Variants in CACNA1A observed in about 807,000 individuals in gnomAD.
CACNA1A encodes calcium voltage-gated channel subunit alpha1 A, also known as voltage-dependent P/Q-type calcium channel subunit alpha-1A.
In CACNA1A, 57 loss-of-function variants were observed where a neutral mutation model predicts 262.4. That is an observed-to-expected ratio of 0.22 (90% CI 0.18 to 0.27). The LOEUF is 0.27. Ranked by LOEUF, CACNA1A falls within the 10% of genes least tolerant of loss-of-function variation. CACNA1A has a pLI of 1.00. For synonymous variants in CACNA1A, 1,431 were observed against 1,419.3 expected, an observed-to-expected ratio of 1.01 and a Z score of -0.18; for missense variants, 2,526 against 3,562.8, an observed-to-expected ratio of 0.71 and a Z score of 7.41.
chr19:13,292,957 T>C (rs772290304), intron 19 of CACNA1A, among the ~76,000 whole-genome samples: 7 of 152,120 alleles, frequency 4.6e-5, no homozygotes, highest in Non-Finnish European at 1.0e-4. Flanking sequence ...GATGTGTCTA[T>C]TAATAATGGA....
chr19:13,316,975 T>G, intron 11 of CACNA1A, 137 bp downstream of exon 11: 1 of 608,142 alleles, frequency 1.6e-6, no homozygotes, highest in South Asian at 2.2e-5. Flanking sequence ...CAGTGACAGT[T>G]ATAGAAATGG....
intron 3 of CACNA1A, among the ~76,000 whole-genome samples, chr19:13,393,925 C>A (rs1314878415): frequency 6.6e-6 from 1 of 151,840 alleles, no homozygotes; most frequent in African/African-American, 2.4e-5. Flanking sequence ...AAGTGATTCT[C>A]CTGCCTCAGC....
intron 6 of CACNA1A, among the ~76,000 whole-genome samples, chr19:13,354,837 C>A (rs1207045778): frequency 6.0e-5 from 9 of 151,008 alleles, no homozygotes; most frequent in Non-Finnish European, 8.8e-5. Context: ...AGAACACACA[C>A]AGACACACGA....
At chr19:13,371,836 A>T in intron 3 of CACNA1A, 57 bp from the exon 4 acceptor site, 2 of 1,265,182 alleles carry the variant, frequency 1.6e-6, no homozygotes, top group Non-Finnish European at 2.3e-6. Context: ...GTCAGACAGC[A>T]GGGCGGGGGT....
intron 19 of CACNA1A, among the ~76,000 whole-genome samples, chr19:13,291,281 G>A (rs2057531503): frequency 6.6e-6 from 1 of 152,072 alleles, no homozygotes; most frequent in Non-Finnish European, 1.5e-5. Flanking sequence ...TTATGTGGGG[G>A]TGATAATAAC....
At chr19:13,443,393 G>T (rs138060415) in intron 3 of CACNA1A, among the ~76,000 whole-genome samples, 3,570 of 152,170 alleles carry the variant, frequency 0.023, 67 homozygotes, top group Middle Eastern at 0.051. Context: ...CCAGGCTGGA[G>T]TGCAGTGGTG....
At chr19:13,311,667 C>T (rs1179831351) in intron 12 of CACNA1A, among the ~76,000 whole-genome samples, 2 of 151,834 alleles carry the variant, frequency 1.3e-5, no homozygotes, top group African/African-American at 4.8e-5. Context: ...GAAACCCCAT[C>T]TCTACTAAAA....
chr19:13,245,323 T>G, intron 30 of CACNA1A, 58 bp from the exon 31 acceptor site: 1 of 1,425,972 alleles, frequency 7.0e-7, no homozygotes, highest in Non-Finnish European at 9.9e-7. Flanking sequence ...CCCGGCCCCC[T>G]AGGCTGGCCG....
At chr19:13,368,338 C>CTTT (rs796514314) in intron 4 of CACNA1A, among the ~76,000 whole-genome samples, 2,757 of 140,656 alleles carry the variant, frequency 0.02, 82 homozygotes, top group East Asian at 0.098. Context: ...CTATCATTGG[C>CTTT]TTTTTTTTTT....
Position 13,506,276 on chromosome 19 carries a change from ACGCCGCCGCCGCCGC to A in CACNA1A, c.-67_-53del, listed in dbSNP as rs16000. 1.5e-6 allele frequency: 2 copies of A among 1,354,642 alleles called. No individual in the cohort carries two copies. Among genetic ancestry groups the A allele is most frequent in the African/African-American group, 1.5e-5 (1 of 64,536 alleles). The allele number at this position is 1,354,642 out of a possible 1,614,324, so 83.9% of individuals were successfully genotyped here. A position where few individuals can be genotyped will look rare whatever the true frequency, so the allele number is the denominator to read the frequency against. On this transcript the variant is annotated 5_prime_UTR_variant, in exon 1 of 47. Transcript: ENST00000360228. ...TACGCTGCGGCGAACGATGCGGAAG[ACGCCGCCGCCGCCGC>A]CGCCGCCGCTGATGCTGAGGCTGCC...
chr19:13,427,286 T>C (rs1251323059), intron 3 of CACNA1A, among the ~76,000 whole-genome samples: 1 of 151,828 alleles, frequency 6.6e-6, no homozygotes, highest in Non-Finnish European at 1.5e-5. Flanking sequence ...ACCCCGTCTC[T>C]ACTAAAAAAA....
intron 3 of CACNA1A, among the ~76,000 whole-genome samples, chr19:13,387,329 T>A (rs1325047394): frequency 1.3e-5 from 2 of 152,228 alleles, no homozygotes; most frequent in African/African-American, 4.8e-5. Context: ...ATTCACTAAA[T>A]GTATTCTCTT....
chr19:13,227,175 A>T (rs928243198), intron 37 of CACNA1A: 5 of 248,920 alleles, frequency 2.0e-5, no homozygotes, highest in African/African-American at 6.8e-5. Flanking sequence ...TCCCCCCGGC[A>T]TGTCGGCCAT....
chr19:13,324,870 C>A (rs1376458835), intron 10 of CACNA1A, among the ~76,000 whole-genome samples: 1 of 152,102 alleles, frequency 6.6e-6, no homozygotes, highest in Non-Finnish European at 1.5e-5. Flanking sequence ...CAAGAACCTG[C>A]CTTTAAAAAC....
At chr19:13,332,954 C>G (rs769855881) in intron 8 of CACNA1A, 29 bp from the exon 9 acceptor site, 10 of 1,592,050 alleles carry the variant, frequency 6.3e-6, no homozygotes, top group Admixed American at 1.7e-5. Flanking sequence ...GAGTTAAGCT[C>G]CTGCATTTGG....
At chr19:13,347,590 G>A (rs150889670) in intron 6 of CACNA1A, among the ~76,000 whole-genome samples, 62 of 152,244 alleles carry the variant, frequency 4.1e-4, no homozygotes, top group Non-Finnish European at 8.4e-4. Flanking sequence ...TTACTTTCAC[G>A]CTACAGGAGC....
At chr19:13,392,138 G>A (rs1222729957) in intron 3 of CACNA1A, among the ~76,000 whole-genome samples, 1 of 152,062 alleles carries the variant, frequency 6.6e-6, no homozygotes, top group Admixed American at 6.6e-5. Flanking sequence ...TTGAGCTCAG[G>A]AGGTTGAGGC....
rs957356507 is a variant in CACNA1A, at chr19:13,236,965, C to A, written c.4951-1235G>T. On this transcript the variant is annotated intron_variant, in intron 31 of 46. Coordinates refer to ENST00000360228, the MANE Select transcript of CACNA1A (RefSeq NM_001127222.2). The surrounding 1 kb of genome is among the most constrained non-coding windows in gnomAD (Gnocchi z 4.6). Reference sequence around the variant, plus strand: ...AGCTAATAAAACTGTTTTGTTGGGCCCGAGCAGTGTTTTTTCATTTGTCCT... The same window carrying A: ...AGCTAATAAAACTGTTTTGTTGGGCACGAGCAGTGTTTTTTCATTTGTCCT... 6.6e-6 allele frequency among the ~76,000 whole-genome samples: 1 copy of A among 151,964 alleles called. No homozygotes were observed. Among genetic ancestry groups the A allele is most frequent in the Admixed American group, 6.6e-5 (1 of 15,252 alleles).
At chr19:13,339,208 A>G (rs945414972) in intron 6 of CACNA1A, among the ~76,000 whole-genome samples, 12 of 152,134 alleles carry the variant, frequency 7.9e-5, no homozygotes, top group African/African-American at 2.7e-4. Context: ...AAGAAAGAAA[A>G]TGCTGATACG....
Sources: allele counts gnomAD v4.1 joint callset (sites outside exome capture counted in the v4.1 genomes callset), GRCh38; gene constraint gnomAD v4.1.1; non-coding constraint Gnocchi (gnomAD v3.1); transcripts MANE v1.5; gene names NCBI Gene and HGNC (gene_info 2026-07-23, HGNC 2026-07-21).